Variants in VKORC1L1 observed in about 807,000 individuals in gnomAD.
VKORC1L1 encodes vitamin K epoxide reductase complex subunit 1L1.
VKORC1L1 carries 2 observed loss-of-function variants against 18.9 expected under a neutral mutation model. The ratio of observed to expected loss-of-function variants is 0.11; its 90% CI spans 0.04 to 0.33. VKORC1L1 has a LOEUF of 0.33. Ranked by LOEUF, VKORC1L1 falls within the 10% of genes least tolerant of loss-of-function variation. VKORC1L1 has a pLI of 1.00. For missense variants in VKORC1L1, 123 were observed against 224.1 expected (o/e 0.55, Z 2.88); for synonymous variants, 96 against 100.0 (o/e 0.96, Z 0.24).
chr7:65,927,293 A>G (rs1198883343), intron 1 of VKORC1L1, among the ~76,000 whole-genome samples: 1 of 148,578 alleles, frequency 6.7e-6, no homozygotes, highest in African/African-American at 2.5e-5. Context: ...GTCTCAAAAA[A>G]AGGAAAAAAA....
chr7:65,891,261 A>G (rs1483791664), intron 1 of VKORC1L1, among the ~76,000 whole-genome samples: 2 of 152,060 alleles, frequency 1.3e-5, no homozygotes, highest in African/African-American at 4.8e-5. Flanking sequence ...TGCTATGAAC[A>G]TTCTCATATA....
upstream of VKORC1L1, among the ~76,000 whole-genome samples, chr7:65,871,098 G>C (rs1163050967): frequency 1.3e-5 from 2 of 152,222 alleles, no homozygotes; most frequent in East Asian, 1.9e-4. Flanking sequence ...TTTGAGGACT[G>C]TGGTAGATAG....
chr7:65,921,217 A>G (rs1789669984), intron 1 of VKORC1L1, among the ~76,000 whole-genome samples: 1 of 152,044 alleles, frequency 6.6e-6, no homozygotes. Context: ...CATTTTATAG[A>G]CCTTTTATAT....
At chr7:65,948,635 T>A in intron 1 of VKORC1L1, 36 bp from the exon 2 acceptor site, 1 of 747,080 alleles carries the variant, frequency 1.3e-6, no homozygotes, top group African/African-American at 2.1e-5. Flanking sequence ...ATAGGGAAAT[T>A]CAAATATAGG....
intron 1 of VKORC1L1, among the ~76,000 whole-genome samples, chr7:65,897,560 A>G (rs1432216098): frequency 2.0e-5 from 3 of 152,232 alleles, no homozygotes; most frequent in Non-Finnish European, 2.9e-5. Flanking sequence ...ACTCACAATC[A>G]TAATGTTGGG....
chr7:65,878,679 C>T (rs1475750215), intron 1 of VKORC1L1, among the ~76,000 whole-genome samples: 6 of 151,910 alleles, frequency 3.9e-5, no homozygotes, highest in African/African-American at 9.7e-5. Flanking sequence ...CCGAGGTGGG[C>T]GGATCACGAG....
At chr7:65,876,468 C>A (rs1031394209) in intron 1 of VKORC1L1, among the ~76,000 whole-genome samples, 1 of 151,372 alleles carries the variant, frequency 6.6e-6, no homozygotes, top group Non-Finnish European at 1.5e-5. Context: ...CGCCATTGCA[C>A]TCCAGCCTGT....
chr7:65,892,877 C>CA (rs1330032763), intron 1 of VKORC1L1, among the ~76,000 whole-genome samples: 1 of 152,204 alleles, frequency 6.6e-6, no homozygotes, highest in Non-Finnish European at 1.5e-5. Context: ...CAGCAATTCT[C>CA]AAAGTGTGGT....
intron 1 of VKORC1L1, among the ~76,000 whole-genome samples, chr7:65,918,363 A>G (rs143085358): frequency 1.3e-5 from 2 of 152,368 alleles, no homozygotes; most frequent in Non-Finnish European, 2.9e-5. Flanking sequence ...ATTTTCAGCA[A>G]CATTGCCAGA....
In VKORC1L1 at chr7:65,877,313, T is replaced by G. The variant is rs113989273; in HGVS notation, c.194+3748T>G. Among the ~76,000 whole-genome samples the G allele has an allele frequency of 1.6e-3, 244 of 152,306 alleles. 1 individual carries two copies. Among genetic ancestry groups the G allele is most frequent in the African/African-American group, 5.5e-3 (229 of 41,558 alleles). On this transcript the variant is annotated intron_variant, in intron 1 of 2. Coordinates refer to ENST00000360768, the MANE Select transcript of VKORC1L1 (RefSeq NM_173517.6). ...ATAAAGATGTGTTCATTTAAAACAA[T>G]TTTGAAGTTGTGCAAGAGAAACTAA... is the stretch of plus-strand genomic sequence containing the variant.
chr7:65,918,822 C>T (rs535306176), intron 1 of VKORC1L1, among the ~76,000 whole-genome samples: 28 of 152,252 alleles, frequency 1.8e-4, no homozygotes, highest in African/African-American at 6.3e-4. Context: ...AGGCGGGACG[C>T]GGTGGCTCCC....
chr7:65,917,596 A>C (rs1490646465), intron 1 of VKORC1L1, among the ~76,000 whole-genome samples: 2 of 152,208 alleles, frequency 1.3e-5, no homozygotes, highest in African/African-American at 4.8e-5. Context: ...TGAAACATAC[A>C]GAAAACTTTA....
At chr7:65,890,056 C>G (rs1789085110) in intron 1 of VKORC1L1, among the ~76,000 whole-genome samples, 1 of 151,812 alleles carries the variant, frequency 6.6e-6, no homozygotes, top group Non-Finnish European at 1.5e-5. Context: ...TTCCTGGGCT[C>G]AAGCAATTCT....
intron 1 of VKORC1L1, among the ~76,000 whole-genome samples, chr7:65,902,139 G>A (rs1206938416): frequency 6.6e-6 from 1 of 152,094 alleles, no homozygotes; most frequent in Non-Finnish European, 1.5e-5. Context: ...AAATGACCAG[G>A]CATGCAAAGA....
At chr7:65,900,433 C>T (rs759608872) in intron 1 of VKORC1L1, among the ~76,000 whole-genome samples, 2 of 151,154 alleles carry the variant, frequency 1.3e-5, no homozygotes, top group Non-Finnish European at 3.0e-5. Flanking sequence ...TAAAATGTTA[C>T]ACACAAAACA....
At chr7:65,902,871 ATTTAT>A (rs1789342105) in intron 1 of VKORC1L1, among the ~76,000 whole-genome samples, 2 of 151,942 alleles carry the variant, frequency 1.3e-5, no homozygotes. Context: ...TTATTTATTT[ATTTAT>A]TTATTTTGAG....
chr7:65,914,229 A>C (rs1789550752), intron 1 of VKORC1L1, among the ~76,000 whole-genome samples: 2 of 152,048 alleles, frequency 1.3e-5, no homozygotes, highest in Non-Finnish European at 2.9e-5. Context: ...GAGTAGCCAA[A>C]GCTACAGGTG....
intron 1 of VKORC1L1, among the ~76,000 whole-genome samples, chr7:65,878,915 A>G (rs1788876524): frequency 6.6e-6 from 1 of 152,192 alleles, no homozygotes; most frequent in Non-Finnish European, 1.5e-5. Context: ...CTCAAAAAAA[A>G]AGAAAAATTA....
At chr7:65,870,258 A>T (rs1195258057), upstream of VKORC1L1, among the ~76,000 whole-genome samples, 1 of 124,978 alleles carries the variant, frequency 8.0e-6, no homozygotes, top group Non-Finnish European at 1.6e-5. Context: ...CATCTCTACT[A>T]AGTACAGAAA....
Sources: gnomAD v4.1 joint callset for allele counts (sites outside exome capture counted in the v4.1 genomes callset) on GRCh38, gnomAD v4.1.1 for gene constraint, MANE v1.5 for transcripts, NCBI Gene and HGNC (gene_info 2026-07-23, HGNC 2026-07-21) for gene names.